The following CDH12 variants were observed in gnomAD, a reference collection of about 807,000 sequenced individuals.
The protein encoded by CDH12 is cadherin-12.
Under a neutral mutation model 74.1 loss-of-function variants are expected in CDH12, and 41 were observed. The observed-to-expected ratio is 0.55, with a 90% confidence interval of 0.43 to 0.72. The LOEUF (loss-of-function observed/expected upper bound fraction) is 0.72, where lower values mean the gene tolerates loss of function less well. Ranked by LOEUF, CDH12 falls within the 30% of genes least tolerant of loss-of-function variation. CDH12 has a pLI of 0.00. For missense variants in CDH12, 945 were observed against 977.2 expected, an observed-to-expected ratio of 0.97 and a Z score of 0.44; for synonymous variants, 399 against 355.0, an observed-to-expected ratio of 1.12 and a Z score of -1.39.
In CDH12 at chr5:22,828,313, A is replaced by G. The variant is rs565961558; in HGVS notation, c.-523+24745T>C. Among the ~76,000 whole-genome samples the G allele has an allele frequency of 9.8e-5, 15 of 152,300 alleles. No individual in the cohort carries two copies. In the East Asian group the frequency reaches 2.9e-3, roughly 29 times the overall value. On this transcript the variant is annotated intron_variant, in intron 1 of 14. Transcript: ENST00000382254. ...AAAAATGGAAAGATATTGGGGAAATATATTTTTAATTAGGTAATTGTAGAC... is the reference window on the plus strand; with the variant it reads ...AAAAATGGAAAGATATTGGGGAAATGTATTTTTAATTAGGTAATTGTAGAC...
At chr5:22,640,319 T>C (rs1739079584) in intron 1 of CDH12, among the ~76,000 whole-genome samples, 1 of 152,220 alleles carries the variant, frequency 6.6e-6, no homozygotes, top group Non-Finnish European at 1.5e-5. Flanking sequence ...AGCAAGTGAT[T>C]TCAGAAAATC....
At chr5:22,834,476 C>T (rs946883723) in intron 1 of CDH12, among the ~76,000 whole-genome samples, 5 of 152,042 alleles carry the variant, frequency 3.3e-5, no homozygotes, top group African/African-American at 9.7e-5. Context: ...TATTATAAAA[C>T]GATGTTTTCT....
At chr5:22,451,114 G>A (rs929480854) in intron 2 of CDH12, among the ~76,000 whole-genome samples, 2 of 151,516 alleles carry the variant, frequency 1.3e-5, no homozygotes, top group African/African-American at 4.8e-5. Context: ...ACTATATTAG[G>A]TTTCTTGTGA....
chr5:22,238,654 G>T (rs1277747718), intron 3 of CDH12, among the ~76,000 whole-genome samples: 2 of 152,188 alleles, frequency 1.3e-5, no homozygotes, highest in Admixed American at 6.5e-5. Flanking sequence ...TCCAACATGT[G>T]TTGAGAATAC....
chr5:21,937,433 A>G (rs1281171733), intron 6 of CDH12, among the ~76,000 whole-genome samples: 2 of 152,200 alleles, frequency 1.3e-5, no homozygotes, highest in Non-Finnish European at 1.5e-5. Context: ...TCCAGGTTAA[A>G]GATGATTTGG....
chr5:22,803,944 G>A (rs762955370), intron 1 of CDH12, among the ~76,000 whole-genome samples: 10 of 151,426 alleles, frequency 6.6e-5, no homozygotes, highest in African/African-American at 1.5e-4. Flanking sequence ...GATTTTTAGA[G>A]CATTATTTCA....
chr5:22,516,854 A>T (rs915634596), intron 1 of CDH12, among the ~76,000 whole-genome samples: 1 of 152,144 alleles, frequency 6.6e-6, no homozygotes, highest in African/African-American at 2.4e-5. Context: ...AAAAAAATGA[A>T]AAAAGAAAAA....
intron 6 of CDH12, among the ~76,000 whole-genome samples, chr5:21,915,814 C>A (rs1754060351): frequency 8.5e-6 from 1 of 117,060 alleles, no homozygotes; most frequent in South Asian, 3.2e-4. Flanking sequence ...AGTTTCTGAT[C>A]ATTTGTGCTG....
chr5:22,623,330 G>T (rs1260146940), intron 1 of CDH12, among the ~76,000 whole-genome samples: 4 of 152,138 alleles, frequency 2.6e-5, no homozygotes, highest in African/African-American at 9.7e-5. Context: ...TCAGGCAGGA[G>T]AAAGAAATAA....
intron 1 of CDH12, among the ~76,000 whole-genome samples, chr5:22,559,516 T>A (rs2126746689): frequency 6.6e-6 from 1 of 152,076 alleles, no homozygotes; most frequent in African/African-American, 2.4e-5. Flanking sequence ...TTTGGAAGAG[T>A]GCTATGAATC....
Position 21,751,863 on chromosome 5 carries a change from A to G in CDH12, c.2259T>C (p.Ser753=). Residue 753 remains serine, a synonymous_variant, in exon 15 of 15, where the codon TCT becomes TCC. Transcript: ENST00000382254. ...GSGSVAESLS[S]IDSLTTEADQ... ...CGGCTTCTGTGGTGAGAGAGTCTAT[A>G]GAGCTGAGGGACTCTGCCACGGACC... 6.2e-7 allele frequency: 1 copy of G among 1,614,104 alleles called. No homozygotes were observed. The highest frequency in any genetic ancestry group is 8.5e-7 in the Non-Finnish European group (1 of 1,180,018).
At chr5:22,334,463 T>C (rs1739485414) in intron 3 of CDH12, among the ~76,000 whole-genome samples, 1 of 152,024 alleles carries the variant, frequency 6.6e-6, no homozygotes, top group African/African-American at 2.4e-5. Flanking sequence ...GCAATCCCTA[T>C]GAAAATACCA....
intron 1 of CDH12, among the ~76,000 whole-genome samples, chr5:22,736,563 T>C (rs1189863719): frequency 6.6e-6 from 1 of 151,834 alleles, no homozygotes; most frequent in Non-Finnish European, 1.5e-5. Flanking sequence ...TCAGCGTTTT[T>C]TTTTACTTGA....
chr5:21,936,405 TA>T (rs1233397370), intron 6 of CDH12, among the ~76,000 whole-genome samples: 1 of 152,224 alleles, frequency 6.6e-6, no homozygotes, highest in East Asian at 1.9e-4. Flanking sequence ...TTTATTTTTT[TA>T]AGTTTCTTAT....
At chr5:21,913,240 A>C (rs1753942202) in intron 6 of CDH12, among the ~76,000 whole-genome samples, 2 of 152,174 alleles carry the variant, frequency 1.3e-5, no homozygotes, top group East Asian at 1.9e-4. Flanking sequence ...AGGACAGAAG[A>C]AGGTCAAAGA....
intron 1 of CDH12, among the ~76,000 whole-genome samples, chr5:22,606,710 G>T (rs1737136352): frequency 6.6e-6 from 1 of 152,066 alleles, no homozygotes; most frequent in Non-Finnish European, 1.5e-5. Context: ...CATGAAAATG[G>T]ACTAATACAT....
At chr5:22,519,022 G>A (rs1736930741) in intron 1 of CDH12, among the ~76,000 whole-genome samples, 1 of 152,140 alleles carries the variant, frequency 6.6e-6, no homozygotes, top group Non-Finnish European at 1.5e-5. Flanking sequence ...CACCAAAGTG[G>A]CATTGCCAAT....
intron 8 of CDH12, among the ~76,000 whole-genome samples, chr5:21,819,470 C>A (rs1308062536): frequency 2.0e-5 from 3 of 151,926 alleles, no homozygotes; most frequent in African/African-American, 7.2e-5. Flanking sequence ...GTGTTTGTAT[C>A]TTTTGCCTCT....
intron 1 of CDH12, among the ~76,000 whole-genome samples, chr5:22,659,516 T>C (rs1383023278): frequency 6.6e-6 from 1 of 152,152 alleles, no homozygotes; most frequent in Non-Finnish European, 1.5e-5. Context: ...ATCAAAGTCA[T>C]ACCTATGTAC....
Sources: gnomAD v4.1 joint callset for allele counts (sites outside exome capture counted in the v4.1 genomes callset) on GRCh38, gnomAD v4.1.1 for gene constraint, MANE v1.5 for transcripts, NCBI Gene and HGNC (gene_info 2026-07-23, HGNC 2026-07-21) for gene names.